SLC1A1: variants seen among roughly 807,000 people sequenced by gnomAD.
SLC1A1 encodes excitatory amino acid transporter 3.
A neutral mutation model predicts 53.3 loss-of-function variants in SLC1A1; 43 were observed. That is an observed-to-expected ratio of 0.81 (90% CI 0.63 to 1.04). The LOEUF is 1.04. SLC1A1 is among the 50% of genes least tolerant of loss of function. SLC1A1 has a pLI of 0.00. For missense variants in SLC1A1, 748 were observed against 664.9 expected (o/e 1.12, Z -1.37); for synonymous variants, 307 against 243.2 (o/e 1.26, Z -2.44).
chr9:4,512,850 G>T (rs1357580389), intron 1 of SLC1A1, among the ~76,000 whole-genome samples: 1 of 151,962 alleles, frequency 6.6e-6, no homozygotes, highest in Non-Finnish European at 1.5e-5. Context: ...TTGCAGCCTT[G>T]AACTCCTGGG....
In SLC1A1 at chr9:4,585,385, A is replaced by T. The variant is rs778645071; in HGVS notation, c.1402A>T (p.Lys468Ter). The T allele has an allele frequency of 6.2e-7, 1 of 1,614,202 alleles. No individual in the cohort carries two copies. The highest frequency in any genetic ancestry group is 1.7e-5 in the Admixed American group (1 of 60,028). ...GTGIVEKLSKKELEQMDVSSE... is the reference protein window; with the variant it reads ...GTGIVEKLSK The stretch of plus-strand genomic sequence containing the variant: ...GGGCATTGTGGAAAAGCTCTCCAAG[A>T]AGGAGCTGGAGCAGATGGATGTTTC... Residue 468 changes from lysine (K) to a stop codon, truncating the protein, a stop_gained, in exon 12 of 12, where the codon AAG becomes TAG. Transcript: ENST00000262352. LOFTEE classifies it high-confidence loss of function.
At chr9:4,548,138 T>C (rs1287491039) in intron 2 of SLC1A1, among the ~76,000 whole-genome samples, 9 of 152,106 alleles carry the variant, frequency 5.9e-5, no homozygotes, top group African/African-American at 2.2e-4. Flanking sequence ...GATCCTCCAA[T>C]TTTGCCTCTG....
intron 1 of SLC1A1, among the ~76,000 whole-genome samples, chr9:4,514,348 CG>C (rs1293036335): frequency 6.6e-6 from 1 of 152,056 alleles, no homozygotes; most frequent in Non-Finnish European, 1.5e-5. Context: ...CTGATGCTGC[CG>C]TAATTCCCAT....
At chr9:4,502,147 G>A (rs1041852733) in intron 1 of SLC1A1, among the ~76,000 whole-genome samples, 1 of 151,462 alleles carries the variant, frequency 6.6e-6, no homozygotes, top group African/African-American at 2.4e-5. Context: ...AGCACTTTGG[G>A]AGGCCAAGGC....
At chr9:4,557,566 G>C (rs1036932990) in intron 2 of SLC1A1, among the ~76,000 whole-genome samples, 1 of 151,900 alleles carries the variant, frequency 6.6e-6, no homozygotes, top group Non-Finnish European at 1.5e-5. Context: ...TGGGAGGATC[G>C]CTGGAGCTCA....
chr9:4,532,374 T>C (rs1816505803), intron 1 of SLC1A1, among the ~76,000 whole-genome samples: 1 of 151,924 alleles, frequency 6.6e-6, no homozygotes, highest in African/African-American at 2.4e-5. Context: ...TTAAAGGACC[T>C]GATGAAGCTG....
chr9:4,510,472 G>A (rs1446953766), intron 1 of SLC1A1, among the ~76,000 whole-genome samples: 2 of 152,178 alleles, frequency 1.3e-5, no homozygotes, highest in Admixed American at 1.3e-4. Flanking sequence ...GTAAGGAGGC[G>A]GGGGTGACAT....
intron 10 of SLC1A1, among the ~76,000 whole-genome samples, chr9:4,579,229 G>C (rs990814927): frequency 6.6e-6 from 1 of 152,208 alleles, no homozygotes; most frequent in African/African-American, 2.4e-5. Context: ...TAACAGCAGA[G>C]GGTATGTCAA....
intron 1 of SLC1A1, among the ~76,000 whole-genome samples, chr9:4,510,261 C>G (rs886201737): frequency 2.2e-4 from 33 of 152,182 alleles, no homozygotes; most frequent in Non-Finnish European, 3.5e-4. Flanking sequence ...TTCACACAAG[C>G]CTAGCCCTAG....
chr9:4,577,550 A>C (rs746740118), intron 10 of SLC1A1, among the ~76,000 whole-genome samples: 6 of 152,178 alleles, frequency 3.9e-5, no homozygotes, highest in Admixed American at 1.3e-4. Context: ...ATCTCGGCTC[A>C]CCACAACCTC....
chr9:4,525,525 G>A (rs1333978964), intron 1 of SLC1A1, among the ~76,000 whole-genome samples: 1 of 152,064 alleles, frequency 6.6e-6, no homozygotes, highest in Non-Finnish European at 1.5e-5. Flanking sequence ...GACCCAGTAG[G>A]AGAATAGGTA....
intron 3 of SLC1A1, among the ~76,000 whole-genome samples, chr9:4,561,850 C>A (rs1304667513): frequency 6.6e-6 from 1 of 152,110 alleles, no homozygotes; most frequent in African/African-American, 2.4e-5. Flanking sequence ...CTTTATGGTA[C>A]TTTGACAATA....
At chr9:4,578,502 C>T (rs1820770717) in intron 10 of SLC1A1, among the ~76,000 whole-genome samples, 1 of 151,958 alleles carries the variant, frequency 6.6e-6, no homozygotes, top group Admixed American at 6.6e-5. Flanking sequence ...ATACTAGAAG[C>T]AGGTAGAGAA....
chr9:4,558,104 G>T (rs761295927), intron 2 of SLC1A1, among the ~76,000 whole-genome samples: 1 of 152,146 alleles, frequency 6.6e-6, no homozygotes, highest in African/African-American at 2.4e-5. Context: ...CGCAGATGGG[G>T]TGTTTACAAC....
chr9:4,569,561 C>T (rs1021498842), intron 6 of SLC1A1, among the ~76,000 whole-genome samples: 9 of 152,134 alleles, frequency 5.9e-5, no homozygotes, highest in African/African-American at 1.9e-4. Flanking sequence ...AGATTTCTCC[C>T]GAATGTTCTC....
rs764272734 is a variant in SLC1A1, at chr9:4,564,348, T to G, written c.330T>G (p.Ile110Met). Residue 110 changes from isoleucine to methionine, a missense_variant, in exon 4 of 12, where the codon ATT becomes ATG. Ile to Met is a conservative substitution (Grantham distance 10). Coordinates refer to ENST00000262352, the MANE Select transcript of SLC1A1 (RefSeq NM_004170.6). Reference sequence around the variant, plus strand: ...GGACGCTGTTCTTGGCCACAGGTATTGTGCTGGTGGTGAGCATCAAGCCTG... The same window carrying G: ...GGACGCTGTTCTTGGCCACAGGTATGGTGCTGGTGGTGAGCATCAAGCCTG... Reference protein sequence around the residue: ...CTTLIAVILGIVLVVSIKPGV... With the variant: ...CTTLIAVILGMVLVVSIKPGV... The G allele has an allele frequency of 3.6e-5, 58 of 1,611,508 alleles. No homozygotes were observed. The highest frequency in any genetic ancestry group is 4.8e-5 in the Non-Finnish European group (57 of 1,178,272).
chr9:4,502,897 C>T (rs527696239), intron 1 of SLC1A1, among the ~76,000 whole-genome samples: 2 of 151,726 alleles, frequency 1.3e-5, no homozygotes, highest in East Asian at 1.9e-4. Flanking sequence ...CTTTCCGCTA[C>T]GCTTCTCCTA....
chr9:4,587,204 G>C lies in SLC1A1; in HGVS notation c.*1646G>C, dbSNP rs1248931598. 6.6e-6 allele frequency: 1 copy of C among 152,470 alleles called. No homozygotes were observed. The highest frequency in any genetic ancestry group is 2.4e-5 in the African/African-American group (1 of 41,428). The allele number at this position is 152,470 out of a possible 1,614,324, so 9.4% of individuals were successfully genotyped here. ...TAAATAGTAAATAATGATTCAATGTGAATTTTAAAATGCAAATATTGCTAT... is the reference window on the plus strand; with the variant it reads ...TAAATAGTAAATAATGATTCAATGTCAATTTTAAAATGCAAATATTGCTAT... On this transcript the variant is annotated 3_prime_UTR_variant, in exon 12 of 12. Transcript: ENST00000262352.
At chr9:4,538,270 G>C (rs998719043) in intron 1 of SLC1A1, among the ~76,000 whole-genome samples, 2 of 152,166 alleles carry the variant, frequency 1.3e-5, no homozygotes, top group Non-Finnish European at 2.9e-5. Context: ...ATTTACATTG[G>C]TTCAGTCCAG....
Sources: allele counts gnomAD v4.1 joint callset (sites outside exome capture counted in the v4.1 genomes callset), GRCh38; gene constraint gnomAD v4.1.1; transcripts MANE v1.5; gene names NCBI Gene and HGNC (gene_info 2026-07-23, HGNC 2026-07-21).